CCDC141: variants seen among roughly 807,000 people sequenced by gnomAD.
The protein encoded by CCDC141 is coiled-coil domain containing 141.
CCDC141 carries 168 observed loss-of-function variants against 181.0 expected under a neutral mutation model. The ratio of observed to expected loss-of-function variants is 0.93; its 90% CI spans 0.82 to 1.05. The LOEUF is 1.05. Among genes scored for constraint, CCDC141 ranks in the 50% least tolerant of loss-of-function variants. CCDC141 has a pLI of 0.00. For missense variants in CCDC141, 1,902 were observed against 1,788.5 expected, an observed-to-expected ratio of 1.06 and a Z score of -1.14; for synonymous variants, 666 against 642.3, an observed-to-expected ratio of 1.04 and a Z score of -0.56.
intron 2 of CCDC141, among the ~76,000 whole-genome samples, chr2:179,040,353 A>C (rs1264236059): frequency 6.6e-6 from 1 of 152,220 alleles, no homozygotes; most frequent in East Asian, 1.9e-4. Context: ...TAGAAAAGGA[A>C]ACCCCTCTTC....
At chr2:178,918,651 G>A (rs565753971) in intron 7 of CCDC141, 62 bp downstream of exon 7, 2 of 1,365,360 alleles carry the variant, frequency 1.5e-6, no homozygotes, top group African/African-American at 1.4e-5. Flanking sequence ...GTCAGTTGAA[G>A]TAATGGGTCT....
At position 178,943,525 on chromosome 2, in the gene CCDC141, T is replaced by C. The variant is rs531469086; in HGVS notation, c.897+1010A>G. Among the ~76,000 whole-genome samples the C allele has an allele frequency of 1.7e-4, 26 of 152,278 alleles. No individual in the cohort carries two copies. In the South Asian group the frequency reaches 5.4e-3, roughly 32 times the overall value. ...CTAACCTCCCAGACATGTGAATATT[T>C]GACTTGTCTAGCCTGTATTCAACTA... On this transcript the variant is annotated intron_variant, in intron 6 of 23. Coordinates refer to ENST00000443758, the MANE Select transcript of CCDC141 (RefSeq NM_173648.4).
chr2:178,919,000 C>T lies in CCDC141; in HGVS notation c.898-93G>A, dbSNP rs867781677. On this transcript the variant is annotated intron_variant, in intron 6 of 23. Transcript: ENST00000443758. The stretch of plus-strand genomic sequence containing the variant: ...GAAATTCCTCTGCTGAAATCTAACC[C>T]CCAAGGTGATGATATTAGGAAGTAG... The T allele has an allele frequency of 5.3e-5, 61 of 1,152,404 alleles. No homozygotes were observed. In the African/African-American group the frequency reaches 8.4e-4, roughly 16 times the overall value. The allele number at this position is 1,152,404 out of a possible 1,614,324, so 71.4% of individuals were successfully genotyped here. A position where few individuals can be genotyped will look rare whatever the true frequency, so the allele number is the denominator to read the frequency against.
At chr2:178,828,728 CATA>C (rs1262301387), downstream of CCDC141, among the ~76,000 whole-genome samples, 4 of 152,138 alleles carry the variant, frequency 2.6e-5, no homozygotes, top group African/African-American at 9.7e-5. Context: ...TGTGGGTGTG[CATA>C]ATACTTATTA....
At chr2:179,030,160 C>T (rs1443828497) in intron 2 of CCDC141, among the ~76,000 whole-genome samples, 5 of 151,982 alleles carry the variant, frequency 3.3e-5, no homozygotes, top group South Asian at 4.2e-4. Flanking sequence ...CATCTACAAC[C>T]ACAAATGAAA....
chr2:179,000,753 C>T (rs1219569482), intron 2 of CCDC141, among the ~76,000 whole-genome samples: 3 of 152,058 alleles, frequency 2.0e-5, no homozygotes, highest in African/African-American at 7.2e-5. Context: ...TTTGTAGACC[C>T]CTCTTGTGTT....
intron 6 of CCDC141, among the ~76,000 whole-genome samples, chr2:178,933,394 C>T (rs553389600): frequency 2.0e-5 from 3 of 152,260 alleles, no homozygotes; most frequent in East Asian, 3.9e-4. Flanking sequence ...TACAAATCCT[C>T]TTGGGGAATT....
intron 6 of CCDC141, 92 bp downstream of exon 6, chr2:178,944,443 C>A: frequency 2.0e-6 from 1 of 509,498 alleles, no homozygotes; most frequent in Non-Finnish European, 3.3e-6. Context: ...AAAGACAGTT[C>A]TCAGTTCTCC....
intron 4 of CCDC141, among the ~76,000 whole-genome samples, chr2:178,964,492 T>C (rs762994083): frequency 1.3e-5 from 2 of 152,182 alleles, no homozygotes; most frequent in East Asian, 3.8e-4. Context: ...TCTGGTTTTC[T>C]GTTTCACCCT....
chr2:178,910,425 T>C (rs955738), intron 7 of CCDC141, among the ~76,000 whole-genome samples: 60,994 of 151,972 alleles, frequency 0.4, 13,972 homozygotes, highest in South Asian at 0.56. Context: ...CTTATAACTA[T>C]CAAAAACACA....
Position 178,837,254 on chromosome 2 carries a change from C to A in CCDC141, c.3965G>T (p.Ser1322Ile). The change falls in exon 23 of 24, where the codon AGC becomes ATC. Residue 1322 changes from serine (S) to isoleucine (I), a missense_variant. Coordinates refer to ENST00000443758, the MANE Select transcript of CCDC141 (RefSeq NM_173648.4). ...LHRISAEHPE[S>I]MMSEVHERAL... ...TCTCTCATGCACTTCACTCATCATG[C>A]TCTCTGGATGTTCAGCACTGATTCT... The A allele has an allele frequency of 1.2e-6, 2 of 1,614,120 alleles. No homozygotes were observed. The highest frequency in any genetic ancestry group is 4.5e-5 in the East Asian group (2 of 44,854).
intron 6 of CCDC141, among the ~76,000 whole-genome samples, chr2:178,931,764 A>G (rs1409408151): frequency 6.6e-6 from 1 of 152,186 alleles, no homozygotes; most frequent in Non-Finnish European, 1.5e-5. Context: ...AATACTGTGA[A>G]TTTACTAAAT....
chr2:178,880,627 GC>G (rs1686556146), intron 11 of CCDC141, among the ~76,000 whole-genome samples: 1 of 152,156 alleles, frequency 6.6e-6, no homozygotes, highest in Non-Finnish European at 1.5e-5. Flanking sequence ...TTAAACTTCA[GC>G]TTTGATGTTT....
chr2:178,920,036 T>G (rs1688615770), intron 6 of CCDC141, among the ~76,000 whole-genome samples: 1 of 152,204 alleles, frequency 6.6e-6, no homozygotes, highest in African/African-American at 2.4e-5. Flanking sequence ...TACATTCAAT[T>G]TATTTGAAGG....
chr2:179,045,636 A>T (rs1167951208), intron 2 of CCDC141, among the ~76,000 whole-genome samples: 1 of 151,514 alleles, frequency 6.6e-6, no homozygotes, highest in Non-Finnish European at 1.5e-5. Flanking sequence ...CAACAGTGTA[A>T]AAGTGTTCCT....
At chr2:179,014,860 T>C (rs2154384804) in intron 2 of CCDC141, among the ~76,000 whole-genome samples, 1 of 151,910 alleles carries the variant, frequency 6.6e-6, no homozygotes, top group Middle Eastern at 3.4e-3. Context: ...GAAAACAGTG[T>C]GGAGTTTCCT....
chr2:178,862,748 G>GT (rs772637037), intron 17 of CCDC141, among the ~76,000 whole-genome samples: 4 of 152,250 alleles, frequency 2.6e-5, no homozygotes, highest in Admixed American at 1.3e-4. Flanking sequence ...GAAAAAAATG[G>GT]TTTTTTCTCA....
At chr2:178,940,277 T>G (rs1036873084) in intron 6 of CCDC141, among the ~76,000 whole-genome samples, 5 of 152,134 alleles carry the variant, frequency 3.3e-5, no homozygotes, top group Non-Finnish European at 7.3e-5. Flanking sequence ...TAGAACATCA[T>G]CTACGTAATA....
chr2:179,027,275 G>C (rs1233369725), intron 2 of CCDC141, among the ~76,000 whole-genome samples: 1 of 152,152 alleles, frequency 6.6e-6, no homozygotes, highest in Non-Finnish European at 1.5e-5. Context: ...GGAAGTGATT[G>C]CATTATGAAG....
Sources: gnomAD v4.1 joint callset for allele counts (sites outside exome capture counted in the v4.1 genomes callset) on GRCh38, gnomAD v4.1.1 for gene constraint, MANE v1.5 for transcripts, NCBI Gene and HGNC (gene_info 2026-07-23, HGNC 2026-07-21) for gene names.